The following HMCN1 variants were observed in gnomAD, a reference collection of about 807,000 sequenced individuals.
The protein encoded by HMCN1 is hemicentin 1.
HMCN1 carries 321 observed loss-of-function variants against 625.9 expected under a neutral mutation model. The observed-to-expected ratio is 0.51, with a 90% CI of 0.47 to 0.56. HMCN1 has a LOEUF of 0.56. Ranked by LOEUF, HMCN1 falls within the 20% of genes least tolerant of loss-of-function variation. The pLI is 0.00. For synonymous variants in HMCN1, 2,425 were observed against 2,417.6 expected, an observed-to-expected ratio of 1.00 and a Z score of -0.09; for missense variants, 6,588 against 6,887.3, an observed-to-expected ratio of 0.96 and a Z score of 1.54.
Position 185,870,998 on chromosome 1 carries a change from A to G in HMCN1, c.621+5135A>G, listed in dbSNP as rs781249659. 2.6e-5 allele frequency among the ~76,000 whole-genome samples: 4 copies of G among 152,102 alleles called. No individual in the cohort carries two copies. The South Asian group carries it at 8.3e-4, about 32-fold the overall frequency. On this transcript the variant is annotated intron_variant, in intron 4 of 106. Coordinates refer to ENST00000271588, the MANE Select transcript of HMCN1 (RefSeq NM_031935.3). The stretch of plus-strand genomic sequence containing the variant: ...TGTAATCCCAGCACTTTGGGAGGCC[A>G]AGGTGGGCGGATCATGAGGTCAAGA...
chr1:186,153,930 G>A lies in HMCN1; in HGVS notation c.15199G>A (p.Asp5067Asn), dbSNP rs2102582057. Residue 5067 changes from aspartate (D) to asparagine (N), a missense_variant, in exon 97 of 107, where the codon GAC becomes AAC. By Grantham distance (23) the Asp-to-Asn change is conservative. Transcript: ENST00000271588. Reference protein sequence around the residue: ...ETLHASSVESDYNQIEETLGF... With the variant: ...ETLHASSVESNYNQIEETLGF... ...ACTTCATGCATCCTCTGTGGAATCT[G>A]ACTATAACCAGATAGAAGAGACACT... is the stretch of plus-strand genomic sequence containing the variant. The A allele has an allele frequency of 6.2e-7, 1 of 1,614,058 alleles. No individual in the cohort carries two copies. Among genetic ancestry groups the A allele is most frequent in the Non-Finnish European group, 8.5e-7 (1 of 1,179,990 alleles).
intron 77 of HMCN1, among the ~76,000 whole-genome samples, chr1:186,118,334 G>T (rs1354226552): frequency 6.6e-6 from 1 of 152,106 alleles, no homozygotes; most frequent in Non-Finnish European, 1.5e-5. Flanking sequence ...CAATAGAAGG[G>T]TAATAGTGGA....
At chr1:186,040,959 A>G in intron 39 of HMCN1, 54 bp from the exon 40 acceptor site, 3 of 1,593,518 alleles carry the variant, frequency 1.9e-6, no homozygotes, top group Non-Finnish European at 1.7e-6. Context: ...AAAATCTATT[A>G]CACCTACCAT....
At chr1:185,792,351 A>C (rs1453712095) in intron 1 of HMCN1, among the ~76,000 whole-genome samples, 1 of 152,226 alleles carries the variant, frequency 6.6e-6, no homozygotes, top group East Asian at 1.9e-4. Flanking sequence ...AACTGTAAAG[A>C]AAACTGTTCA....
At chr1:186,142,769 C>T (rs1650049285) in intron 89 of HMCN1, among the ~76,000 whole-genome samples, 1 of 152,074 alleles carries the variant, frequency 6.6e-6, no homozygotes, top group African/African-American at 2.4e-5. Flanking sequence ...TAGCTGAAAA[C>T]CTGTATTTAT....
intron 7 of HMCN1, 24 bp from the exon 8 acceptor site, chr1:185,923,366 G>A (rs751038756): frequency 6.3e-7 from 1 of 1,579,660 alleles, no homozygotes; most frequent in Non-Finnish European, 8.7e-7. Context: ...TCTTGTAAAT[G>A]ATAACAAAAT....
intron 11 of HMCN1, among the ~76,000 whole-genome samples, chr1:185,945,862 T>A (rs1668315380): frequency 6.6e-6 from 1 of 152,178 alleles, no homozygotes; most frequent in Admixed American, 6.5e-5. Flanking sequence ...TCTTTAGTAG[T>A]CTTTTGATAT....
At chr1:185,824,902 G>A (rs1453466027) in intron 1 of HMCN1, among the ~76,000 whole-genome samples, 2 of 152,014 alleles carry the variant, frequency 1.3e-5, no homozygotes, top group East Asian at 1.9e-4. Flanking sequence ...ATCTTTCTGA[G>A]CAAGAGTTAA....
chr1:185,948,551 T>C (rs538247347), intron 11 of HMCN1, among the ~76,000 whole-genome samples: 1 of 151,504 alleles, frequency 6.6e-6, no homozygotes, highest in East Asian at 1.9e-4. Context: ...CAAGGTAATG[T>C]CATCACTTAA....
intron 4 of HMCN1, among the ~76,000 whole-genome samples, chr1:185,875,159 T>C (rs903350198): frequency 6.6e-6 from 1 of 152,034 alleles, no homozygotes; most frequent in Non-Finnish European, 1.5e-5. Context: ...TACCTAAAAA[T>C]GTTGATAATG....
chr1:185,890,352 G>T (rs142221614), intron 4 of HMCN1, among the ~76,000 whole-genome samples: 1 of 147,826 alleles, frequency 6.8e-6, no homozygotes, highest in African/African-American at 2.7e-5. Context: ...CCTTCTGCTA[G>T]CTTTTGAATG....
chr1:186,111,770 C>T (rs1279043431), intron 71 of HMCN1, among the ~76,000 whole-genome samples: 1 of 152,076 alleles, frequency 6.6e-6, no homozygotes, highest in Non-Finnish European at 1.5e-5. Flanking sequence ...CACTTATTCT[C>T]ATCAAAGGTA....
intron 80 of HMCN1, among the ~76,000 whole-genome samples, chr1:186,120,613 A>G (rs1038859544): frequency 1.3e-5 from 2 of 152,238 alleles, no homozygotes; most frequent in East Asian, 3.8e-4. Context: ...TAGAATTTTT[A>G]TATCTTGCAT....
chr1:185,995,154 A>C (rs1209823228), intron 24 of HMCN1, 67 bp downstream of exon 24: 1 of 1,402,362 alleles, frequency 7.1e-7, no homozygotes, highest in Non-Finnish European at 1.0e-6. Flanking sequence ...CTAGAGCTAA[A>C]TAGATTATCT....
chr1:185,831,960 A>G (rs1347359980), intron 1 of HMCN1, among the ~76,000 whole-genome samples: 1 of 152,230 alleles, frequency 6.6e-6, no homozygotes, highest in African/African-American at 2.4e-5. Flanking sequence ...GACATCCACA[A>G]AAGTACAGGC....
chr1:185,760,501 A>G (rs943762170), intron 1 of HMCN1, among the ~76,000 whole-genome samples: 2 of 152,294 alleles, frequency 1.3e-5, no homozygotes, highest in African/African-American at 4.8e-5. Context: ...TCATTGTTTG[A>G]TAACAATTCA....
At chr1:185,975,704 T>C (rs559276520) in intron 15 of HMCN1, among the ~76,000 whole-genome samples, 12 of 152,200 alleles carry the variant, frequency 7.9e-5, no homozygotes, top group Non-Finnish European at 1.6e-4. Flanking sequence ...AATTTCCATA[T>C]AGATGGATTA....
intron 6 of HMCN1, among the ~76,000 whole-genome samples, chr1:185,912,434 A>G (rs564349596): frequency 1.5e-4 from 23 of 152,284 alleles, no homozygotes; most frequent in African/African-American, 5.5e-4. Flanking sequence ...TATTTCCTCT[A>G]AGAAAGCATT....
At chr1:186,098,083 C>T (rs1388885505) in intron 68 of HMCN1, among the ~76,000 whole-genome samples, 1 of 151,722 alleles carries the variant, frequency 6.6e-6, no homozygotes, top group Non-Finnish European at 1.5e-5. Context: ...ATGTAAGATC[C>T]CAAACTACGA....
Sources: gnomAD v4.1 joint callset for allele counts (sites outside exome capture counted in the v4.1 genomes callset) on GRCh38, gnomAD v4.1.1 for gene constraint, MANE v1.5 for transcripts, NCBI Gene and HGNC (gene_info 2026-07-23, HGNC 2026-07-21) for gene names.